Variants in CNOT6L observed in about 807,000 individuals in gnomAD.
CNOT6L encodes the protein CCR4-NOT transcription complex subunit 6-like.
Under a neutral mutation model 64.0 loss-of-function variants are expected in CNOT6L, and 7 were observed. The ratio of observed to expected loss-of-function variants is 0.11; its 90% CI spans 0.06 to 0.21. The LOEUF is 0.21. CNOT6L is among the 10% of genes least tolerant of loss of function. The pLI, the probability that CNOT6L is intolerant of heterozygous loss-of-function variation, is 1.00. For synonymous variants in CNOT6L, 193 were observed against 243.4 expected (o/e 0.79, Z 1.93); for missense variants, 245 against 669.0 (o/e 0.37, Z 6.99).
chr4:77,794,618 G>A (rs1472166595), intron 1 of CNOT6L, among the ~76,000 whole-genome samples: 2 of 152,088 alleles, frequency 1.3e-5, no homozygotes, highest in Admixed American at 1.3e-4. Context: ...AAATAAAAGT[G>A]AATTTACTTA....
intron 4 of CNOT6L, among the ~76,000 whole-genome samples, chr4:77,760,425 C>A (rs565708753): frequency 3.3e-5 from 5 of 151,662 alleles, no homozygotes; most frequent in African/African-American, 9.7e-5. Flanking sequence ...AAACATGACA[C>A]TATCAAAATT....
At chr4:77,722,687 T>C (rs1228052484) in intron 11 of CNOT6L, among the ~76,000 whole-genome samples, 1 of 152,198 alleles carries the variant, frequency 6.6e-6, no homozygotes, top group Non-Finnish European at 1.5e-5. Flanking sequence ...CTTGTAACTA[T>C]TTTCATGGTT....
chr4:77,737,902 C>CA (rs1192827059), intron 8 of CNOT6L, among the ~76,000 whole-genome samples: 2 of 151,584 alleles, frequency 1.3e-5, no homozygotes, highest in African/African-American at 2.4e-5. Context: ...ATCTCATTTT[C>CA]AAAAAAAATC....
intron 1 of CNOT6L, among the ~76,000 whole-genome samples, chr4:77,791,405 A>C (rs1417670661): frequency 6.6e-6 from 1 of 152,140 alleles, no homozygotes; most frequent in African/African-American, 2.4e-5. Context: ...TAAGTAACAA[A>C]TGTGTACGGT....
At chr4:77,772,956 TTTTC>T (rs1340724866) in intron 4 of CNOT6L, 121 bp downstream of exon 4, 7 of 642,378 alleles carry the variant, frequency 1.1e-5, no homozygotes, top group East Asian at 3.1e-5. Context: ...CAAAAACTAC[TTTTC>T]TTTCAAGAGA....
chr4:77,737,237 C>G (rs983175825), intron 8 of CNOT6L, among the ~76,000 whole-genome samples: 3 of 152,008 alleles, frequency 2.0e-5, no homozygotes, highest in African/African-American at 7.3e-5. Context: ...CTGTTAAAAC[C>G]AAACCAAATA....
chr4:77,730,734 TTTCCTCTACAAA>T (rs1040257784), intron 9 of CNOT6L, among the ~76,000 whole-genome samples: 5 of 152,082 alleles, frequency 3.3e-5, no homozygotes, highest in Non-Finnish European at 7.4e-5. Context: ...AAAATAATCT[TTTCCTCTACAAA>T]AAGTACAGGG....
intron 1 of CNOT6L, among the ~76,000 whole-genome samples, chr4:77,795,198 T>C (rs1262637238): frequency 1.3e-5 from 2 of 151,996 alleles, no homozygotes; most frequent in African/African-American, 2.4e-5. Flanking sequence ...TTTGTATTTT[T>C]AGTAGAGACG....
At chr4:77,810,020 T>C (rs1732730946) in intron 1 of CNOT6L, among the ~76,000 whole-genome samples, 1 of 152,054 alleles carries the variant, frequency 6.6e-6, no homozygotes, top group Admixed American at 6.6e-5. Flanking sequence ...TTAAAAATAA[T>C]AATAAATTGT....
chr4:77,794,373 T>C (rs980001117), intron 1 of CNOT6L, among the ~76,000 whole-genome samples: 1 of 151,898 alleles, frequency 6.6e-6, no homozygotes, highest in African/African-American at 2.4e-5. Flanking sequence ...GCAAATAAAG[T>C]CTTTTTTGAA....
At chr4:77,754,878 A>ACT (rs1301691928) in intron 5 of CNOT6L, among the ~76,000 whole-genome samples, 1 of 133,008 alleles carries the variant, frequency 7.5e-6, no homozygotes, top group Non-Finnish European at 1.6e-5. Flanking sequence ...CTAATTCTAA[A>ACT]CATTAGAAGT....
intron 1 of CNOT6L, among the ~76,000 whole-genome samples, chr4:77,804,948 A>G (rs1560437187): frequency 6.6e-6 from 1 of 152,226 alleles, no homozygotes; most frequent in Non-Finnish European, 1.5e-5. Context: ...ACTACCACTT[A>G]GCCTTGAACA....
At chr4:77,742,117 T>G in intron 8 of CNOT6L, 24 bp downstream of exon 8, 3 of 1,602,034 alleles carry the variant, frequency 1.9e-6, no homozygotes, top group Non-Finnish European at 2.6e-6. Flanking sequence ...AAGTACACCA[T>G]TGTGCTTTGT....
At position 77,715,455 on chromosome 4, in the gene CNOT6L, T is replaced by G. The variant is rs1167309608; in HGVS notation, c.*4976A>C. ...AATATTCTATTACTTCAATGTCATGTCTGTTGAACGAAGAACTCAACATGC... is the reference window on the plus strand; with the variant it reads ...AATATTCTATTACTTCAATGTCATGGCTGTTGAACGAAGAACTCAACATGC... On this transcript the variant is annotated 3_prime_UTR_variant, in exon 12 of 12. Transcript: ENST00000504123. 1.3e-5 allele frequency: 2 copies of G among 152,152 alleles called. No individual in the cohort carries two copies. Among genetic ancestry groups the G allele is most frequent in the Non-Finnish European group, 2.9e-5 (2 of 68,014 alleles). 9.4% of individuals were successfully genotyped at this position (152,152 alleles called of 1,614,324 possible). A position where few individuals can be genotyped will look rare whatever the true frequency, so the allele number is the denominator to read the frequency against.
intron 4 of CNOT6L, among the ~76,000 whole-genome samples, chr4:77,771,993 A>T (rs1727604729): frequency 6.6e-6 from 1 of 152,222 alleles, no homozygotes; most frequent in African/African-American, 2.4e-5. Flanking sequence ...AAATTACACA[A>T]ATTTCAGTGT....
At chr4:77,723,393 T>C (rs1721497162) in intron 11 of CNOT6L, among the ~76,000 whole-genome samples, 3 of 152,184 alleles carry the variant, frequency 2.0e-5, no homozygotes. Flanking sequence ...ACTGATACAA[T>C]GGCCCCTCAC....
intron 1 of CNOT6L, among the ~76,000 whole-genome samples, chr4:77,790,560 CT>C (rs745903658): frequency 2.6e-5 from 4 of 152,160 alleles, no homozygotes; most frequent in Non-Finnish European, 4.4e-5. Context: ...CCGCATCCTC[CT>C]TGGCATTTGG....
rs149573395 is a variant in CNOT6L at position 77,729,826 on chromosome 4, G to A, written c.1025-745C>T. On this transcript the variant is annotated intron_variant, in intron 9 of 11. Coordinates refer to ENST00000504123, the MANE Select transcript of CNOT6L (RefSeq NM_144571.3). ...TTAACATAGTACTTTCCAAATGGTA[G>A]ATGGAATACATTAAGATTTTTGAAA... Among the ~76,000 whole-genome samples the A allele has an allele frequency of 7.7e-3, 1,177 of 151,892 alleles. 1 individual carries two copies. Among genetic ancestry groups the A allele is most frequent in the African/African-American group, 0.027 (1,107 of 41,450 alleles).
chr4:77,737,841 TA>T (rs1723148789), intron 8 of CNOT6L, among the ~76,000 whole-genome samples: 1 of 152,154 alleles, frequency 6.6e-6, no homozygotes, highest in Non-Finnish European at 1.5e-5. Flanking sequence ...TACAAAGTCG[TA>T]ATGTTATGAT....
Sources: gnomAD v4.1 joint callset for allele counts (sites outside exome capture counted in the v4.1 genomes callset) on GRCh38, gnomAD v4.1.1 for gene constraint, MANE v1.5 for transcripts, NCBI Gene and HGNC (gene_info 2026-07-23, HGNC 2026-07-21) for gene names.